Variants in DAB1 observed in about 807,000 individuals in gnomAD.
DAB1 encodes DAB adaptor protein 1.
Under a neutral mutation model 64.6 loss-of-function variants are expected in DAB1, and 15 were observed. The observed-to-expected ratio is 0.23, with a 90% CI of 0.16 to 0.36. The LOEUF is 0.36. DAB1 is among the 10% of genes least tolerant of loss of function. DAB1 has a pLI of 1.00. For synonymous variants in DAB1, 235 were observed against 251.9 expected (o/e 0.93, Z 0.64); for missense variants, 596 against 706.7 (o/e 0.84, Z 1.78).
intron 7 of DAB1, among the ~76,000 whole-genome samples, chr1:57,512,946 G>C (rs1644422175): frequency 6.6e-6 from 1 of 152,198 alleles, no homozygotes; most frequent in Admixed American, 6.5e-5. Context: ...AACACCTGCA[G>C]AGCCAGGATA....
At chr1:58,080,736 C>T (rs559876679) in intron 5 of DAB1, among the ~76,000 whole-genome samples, 22 of 152,298 alleles carry the variant, frequency 1.4e-4, no homozygotes, top group African/African-American at 4.1e-4. Context: ...TTGGGATCAA[C>T]GCTCTGCCAT....
intron 3 of DAB1, among the ~76,000 whole-genome samples, chr1:58,480,097 C>T: frequency 6.6e-6 from 1 of 152,108 alleles, no homozygotes; most frequent in South Asian, 2.1e-4. Context: ...TATAATGCAG[C>T]AATTTCTGGG....
At chr1:58,088,016 C>A (rs1022179307) in intron 5 of DAB1, among the ~76,000 whole-genome samples, 1 of 152,190 alleles carries the variant, frequency 6.6e-6, no homozygotes, top group Non-Finnish European at 1.5e-5. Flanking sequence ...TTCTATCAAC[C>A]ATTTCCTCCA....
chr1:57,826,531 G>C (rs1417719070), intron 1 of DAB1: 1 of 152,208 alleles, frequency 6.6e-6, no homozygotes, highest in East Asian at 1.9e-4. Flanking sequence ...TAGTGGGGAG[G>C]GGCAGCAAGT....
At chr1:58,262,927 TG>T (rs1467592609) in intron 4 of DAB1, among the ~76,000 whole-genome samples, 1 of 152,144 alleles carries the variant, frequency 6.6e-6, no homozygotes. Context: ...AGTCCAAGAG[TG>T]AAAACAAAGA....
intron 5 of DAB1, among the ~76,000 whole-genome samples, chr1:57,959,023 T>C (rs1347996814): frequency 6.6e-6 from 1 of 152,206 alleles, no homozygotes; most frequent in African/African-American, 2.4e-5. Context: ...TGCCTGTTTG[T>C]ATGCTAACTC....
rs1645583176 is a variant in DAB1, at chr1:56,995,476, A to C, written c.*2668T>G. 1 of 152,232 alleles carries C rather than the reference A, an allele frequency of 6.6e-6. No homozygotes were observed. Among genetic ancestry groups the C allele is most frequent in the Non-Finnish European group, 1.5e-5 (1 of 68,038 alleles). 9.4% of individuals were successfully genotyped at this position (152,232 alleles called of 1,614,324 possible). ...GACTTTATTTCCCTTACTTTAATGCATCACTTGGGCATCTATCTTCTTGAA... is the reference window on the plus strand; with the variant it reads ...GACTTTATTTCCCTTACTTTAATGCCTCACTTGGGCATCTATCTTCTTGAA... On this transcript the variant is annotated 3_prime_UTR_variant, in exon 15 of 15. Coordinates refer to ENST00000371236, the MANE Select transcript of DAB1 (RefSeq NM_001365792.1).
At chr1:57,729,895 TA>T (rs1172802266) in intron 6 of DAB1, among the ~76,000 whole-genome samples, 1 of 120,480 alleles carries the variant, frequency 8.3e-6, no homozygotes, top group African/African-American at 4.0e-5. Flanking sequence ...ACCCCATCTC[TA>T]AAATAAAATA....
intron 2 of DAB1, among the ~76,000 whole-genome samples, chr1:57,210,522 C>T (rs974931361): frequency 6.6e-6 from 1 of 152,076 alleles, no homozygotes; most frequent in African/African-American, 2.4e-5. Flanking sequence ...ATAAAAGGGC[C>T]GTGTCTCCTA....
chr1:57,264,512 T>C lies in DAB1; in HGVS notation c.67+26452A>G, dbSNP rs531324612. On this transcript the variant is annotated intron_variant, in intron 2 of 14. Transcript: ENST00000371236. ...CGCATTGGTACAATTTCCGCATACA[T>C]AGCCCTGATTTCATTTGATCTCACG... 3.9e-5 allele frequency among the ~76,000 whole-genome samples: 6 copies of C among 152,332 alleles called. 1 individual carries two copies. In the East Asian group the frequency reaches 1.2e-3, roughly 29 times the overall value.
In DAB1 at chr1:58,154,259, T is replaced by C. The variant is rs77912961; in HGVS notation, n.310-3671A>G. Reference sequence around the variant, plus strand: ...CCTATCTGGAGGAGCTTAATATCTATTGAGCAAAAAAGACTCGTTAGAAAA... The same window carrying C: ...CCTATCTGGAGGAGCTTAATATCTACTGAGCAAAAAAGACTCGTTAGAAAA... On this transcript the variant is annotated intron_variant and non_coding_transcript_variant, in intron 4 of 20. Transcript: ENST00000485760. Among the ~76,000 whole-genome samples, 27 of 152,202 alleles carry C rather than the reference T, an allele frequency of 1.8e-4. No individual in the cohort carries two copies. The East Asian group carries it at 4.3e-3, about 24-fold the overall frequency.
At chr1:58,138,813 AAG>A (rs1484722285) in intron 5 of DAB1, among the ~76,000 whole-genome samples, 1 of 152,162 alleles carries the variant, frequency 6.6e-6, no homozygotes, top group Non-Finnish European at 1.5e-5. Context: ...AAAGGGGAGA[AAG>A]AAAAAGGAAG....
chr1:57,995,766 C>T (rs545057290), intron 5 of DAB1, among the ~76,000 whole-genome samples: 48 of 151,692 alleles, frequency 3.2e-4, no homozygotes, highest in African/African-American at 1.1e-3. Context: ...AGTTTAAAGA[C>T]TTGAAAATGA....
chr1:58,066,328 TG>T (rs1157711886), intron 5 of DAB1, among the ~76,000 whole-genome samples: 2 of 152,166 alleles, frequency 1.3e-5, no homozygotes, highest in Non-Finnish European at 2.9e-5. Flanking sequence ...TTATTCAGCA[TG>T]GCCTGTGGTT....
At position 57,136,519 on chromosome 1, in the gene DAB1, A is replaced by G. The variant is rs528419183; in HGVS notation, c.306+24T>C. ...ATCTGTCAATGGATAAAATTTCACA[A>G]TGCCATGTGATTGCTTTACTTACCC... is the stretch of plus-strand genomic sequence containing the variant. On this transcript the variant is annotated intron_variant, in intron 4 of 14. Coordinates refer to ENST00000371236, the MANE Select transcript of DAB1 (RefSeq NM_001365792.1). The G allele has an allele frequency of 2.5e-5, 34 of 1,361,176 alleles. No individual in the cohort carries two copies. The South Asian group carries it at 3.7e-4, about 15-fold the overall frequency. The allele number at this position is 1,361,176 out of a possible 1,614,324, so 84.3% of individuals were successfully genotyped here.
intron 1 of DAB1, among the ~76,000 whole-genome samples, chr1:57,361,945 T>A (rs1004328594): frequency 5.0e-4 from 76 of 152,320 alleles, no homozygotes; most frequent in African/African-American, 1.7e-3. Context: ...TATAAGATAG[T>A]ATTGAAGAAT....
chr1:57,911,890 T>C (rs548786237), intron 5 of DAB1, among the ~76,000 whole-genome samples: 20 of 152,300 alleles, frequency 1.3e-4, no homozygotes, highest in Non-Finnish European at 2.2e-4. Context: ...TAATCTCTGC[T>C]TCACTTCACC....
intron 3 of DAB1, among the ~76,000 whole-genome samples, chr1:58,456,538 G>A (rs1202589211): frequency 6.6e-6 from 1 of 152,174 alleles, no homozygotes; most frequent in Non-Finnish European, 1.5e-5. Context: ...GTGAGGACTA[G>A]GGAAGGCTGA....
chr1:57,573,767 C>T (rs1446832213), intron 7 of DAB1, among the ~76,000 whole-genome samples: 1 of 152,184 alleles, frequency 6.6e-6, no homozygotes, highest in Non-Finnish European at 1.5e-5. Flanking sequence ...GTCATCCCAC[C>T]TCTGTTCACA....
Sources: allele counts gnomAD v4.1 joint callset (sites outside exome capture counted in the v4.1 genomes callset), GRCh38; gene constraint gnomAD v4.1.1; transcripts MANE v1.5; gene names NCBI Gene and HGNC (gene_info 2026-07-23, HGNC 2026-07-21).